Variants in C12orf42 observed in about 807,000 individuals in gnomAD.
The protein encoded by C12orf42 is uncharacterized protein C12orf42.
In C12orf42, 25 loss-of-function variants were observed where a neutral mutation model predicts 21.6. The observed-to-expected ratio is 1.16, with a 90% confidence interval of 0.84 to 1.62. C12orf42 has a LOEUF of 1.62. Among genes scored for constraint, C12orf42 ranks in the 40% most tolerant of loss-of-function variants. The probability of loss-of-function intolerance (pLI) is 0.00; values close to 1 mark genes in which losing one functional copy is unlikely to be tolerated. For missense variants in C12orf42, 483 were observed against 459.3 expected (o/e 1.05, Z -0.47); for synonymous variants, 174 against 175.0 (o/e 0.99, Z 0.05).
At chr12:103,151,993 G>A in the C12orf42 span, 1 of 152,208 alleles carries the variant, frequency 6.6e-6, no homozygotes, top group Non-Finnish European at 1.5e-5. Context: ...TGATGCAGGG[G>A]AGATTCTCCT....
chr12:103,294,141 G>A (rs2036992612), intron 4 of C12orf42, among the ~76,000 whole-genome samples: 1 of 152,106 alleles, frequency 6.6e-6, no homozygotes, highest in Admixed American at 6.6e-5. Flanking sequence ...CCAGTGCCTT[G>A]TACATGGTGC....
At chr12:103,053,994 C>T in the C12orf42 span, among the ~76,000 whole-genome samples, 2 of 151,796 alleles carry the variant, frequency 1.3e-5, no homozygotes, top group Non-Finnish European at 3.0e-5. Flanking sequence ...GATTACTGCA[C>T]CTATGTAATG....
intron 2 of C12orf42, among the ~76,000 whole-genome samples, chr12:103,420,616 G>A (rs553657827): frequency 5.3e-5 from 8 of 151,742 alleles, no homozygotes; most frequent in Admixed American, 3.3e-4. Context: ...TGCAACCTCC[G>A]CCTCCCTGGT....
In C12orf42 at chr12:103,302,502, C is replaced by T. The variant is rs772239643; in HGVS notation, c.689G>A (p.Gly230Asp). ...ACTCGGGCCGGTGCTCTGCAGAGCG[C>T]CGGGCGTCTGGCTCCTCCTGCAGAG... The part of the protein sequence containing the change: ...IGLCRRSQTP[G>D]ALQSTGPSNT... Residue 230 changes from glycine (G) to aspartate (D), a missense_variant, in exon 6 of 6, where the codon GGC becomes GAC. Coordinates refer to ENST00000548883, the MANE Select transcript of C12orf42 (RefSeq NM_198521.5). 6.2e-7 allele frequency: 1 copy of T among 1,613,340 alleles called. No individual in the cohort carries two copies. The highest frequency in any genetic ancestry group is 8.5e-7 in the Non-Finnish European group (1 of 1,179,798).
At chr12:103,123,856 A>C in the C12orf42 span, among the ~76,000 whole-genome samples, 3 of 151,970 alleles carry the variant, frequency 2.0e-5, no homozygotes, top group Non-Finnish European at 4.4e-5. Context: ...AATAATACAC[A>C]TGGCTCACAT....
At chr12:103,062,342 C>A in the C12orf42 span, among the ~76,000 whole-genome samples, 502 of 148,714 alleles carry the variant, frequency 3.4e-3, 1 homozygote, top group African/African-American at 0.012. Context: ...GTGATAAATT[C>A]TCTTAGTTTT....
the C12orf42 span, among the ~76,000 whole-genome samples, chr12:103,148,427 T>A: frequency 6.6e-6 from 1 of 152,136 alleles, no homozygotes; most frequent in South Asian, 2.1e-4. Context: ...AACCTTGATT[T>A]ATTATGGTCT....
chr12:103,546,393 G>T, the C12orf42 span, among the ~76,000 whole-genome samples: 1 of 152,184 alleles, frequency 6.6e-6, no homozygotes. Flanking sequence ...TCCCTAAGGG[G>T]ATGATAGGAT....
the C12orf42 span, among the ~76,000 whole-genome samples, chr12:103,208,804 C>G: frequency 1.3e-5 from 2 of 152,170 alleles, no homozygotes; most frequent in Non-Finnish European, 1.5e-5. Context: ...TGCTCTCACT[C>G]TAAGCAGGTG....
the C12orf42 span, among the ~76,000 whole-genome samples, chr12:103,154,750 T>G: frequency 2.0e-5 from 3 of 152,180 alleles, no homozygotes; most frequent in African/African-American, 7.2e-5. Context: ...AATTCCGTTT[T>G]TTTCCATAAG....
chr12:103,100,610 C>T, the C12orf42 span, among the ~76,000 whole-genome samples: 11 of 152,100 alleles, frequency 7.2e-5, no homozygotes, highest in East Asian at 1.2e-3. Context: ...ATTGGTTGGC[C>T]CAAGGAAGAA....
At chr12:103,215,561 C>T in the C12orf42 span, among the ~76,000 whole-genome samples, 53,747 of 151,834 alleles carry the variant, frequency 0.35, 10,422 homozygotes, top group South Asian at 0.45. Context: ...CTCTTTTCAT[C>T]TCTCTTTGCC....
At chr12:103,298,397 A>G (rs937885181), downstream of C12orf42, among the ~76,000 whole-genome samples, 1 of 152,222 alleles carries the variant, frequency 6.6e-6, no homozygotes, top group Non-Finnish European at 1.5e-5. Flanking sequence ...CCACCTTACA[A>G]GGGATGTGAA....
At chr12:103,388,325 C>T (rs1335937458) in intron 3 of C12orf42, among the ~76,000 whole-genome samples, 1 of 152,132 alleles carries the variant, frequency 6.6e-6, no homozygotes, top group Admixed American at 6.5e-5. Context: ...GGGGTCAGTG[C>T]CTAAACCCCA....
chr12:103,337,429 C>T (rs1188039485), intron 4 of C12orf42, among the ~76,000 whole-genome samples: 4 of 152,190 alleles, frequency 2.6e-5, no homozygotes, highest in African/African-American at 9.7e-5. Flanking sequence ...TGGCTCACTG[C>T]AATCTCTGCC....
chr12:103,452,889 G>A (rs1457586105), intron 2 of C12orf42, among the ~76,000 whole-genome samples: 1 of 151,784 alleles, frequency 6.6e-6, no homozygotes, highest in Admixed American at 6.6e-5. Flanking sequence ...GGTGGGGGGA[G>A]CGGGGAGGGA....
At chr12:103,207,871 G>A in the C12orf42 span, among the ~76,000 whole-genome samples, 2 of 152,166 alleles carry the variant, frequency 1.3e-5, no homozygotes, top group African/African-American at 2.4e-5. Flanking sequence ...GTGCTTACAG[G>A]CAAGCTTAAT....
chr12:103,070,114 G>A, the C12orf42 span, among the ~76,000 whole-genome samples: 1 of 152,132 alleles, frequency 6.6e-6, no homozygotes, highest in Non-Finnish European at 1.5e-5. Flanking sequence ...TGCTTCTCAT[G>A]GGTGTTCTTA....
At chr12:103,495,117 G>A (rs1478307961) in intron 1 of C12orf42, among the ~76,000 whole-genome samples, 1 of 152,002 alleles carries the variant, frequency 6.6e-6, no homozygotes, top group Admixed American at 6.6e-5. Context: ...AATATTAAAT[G>A]CCAGCAGGGA....
Sources: gnomAD v4.1 joint callset for allele counts (sites outside exome capture counted in the v4.1 genomes callset) on GRCh38, gnomAD v4.1.1 for gene constraint, MANE v1.5 for transcripts, NCBI Gene and HGNC (gene_info 2026-07-23, HGNC 2026-07-21) for gene names.